MTAP: variants seen among roughly 807,000 people sequenced by gnomAD.
MTAP encodes the protein S-methyl-5'-thioadenosine phosphorylase.
MTAP carries 33 observed loss-of-function variants against 33.6 expected under a neutral mutation model. The observed-to-expected ratio is 0.98, with a 90% CI of 0.74 to 1.31. The LOEUF is 1.31. Among genes scored for constraint, MTAP ranks in the 40% most tolerant of loss-of-function variants. The probability of loss-of-function intolerance (pLI) is 0.00; values close to 1 mark genes in which losing one functional copy is unlikely to be tolerated. For missense variants in MTAP, 367 were observed against 360.0 expected (o/e 1.02, Z -0.16); for synonymous variants, 148 against 125.7 (o/e 1.18, Z -1.19).
intron 1 of MTAP, among the ~76,000 whole-genome samples, chr9:21,913,501 C>G (rs1818621467): frequency 7.0e-6 from 1 of 143,836 alleles, no homozygotes; most frequent in African/African-American, 2.8e-5. Context: ...TGATCTTTGA[C>G]AAACCTGACA....
chr9:21,926,592 G>T (rs7042832), intron 1 of MTAP, among the ~76,000 whole-genome samples: 20,721 of 152,160 alleles, frequency 0.14, 4,607 homozygotes, highest in African/African-American at 0.47. Flanking sequence ...CAGCTAATCT[G>T]GATAGTACTT....
intron 1 of MTAP, among the ~76,000 whole-genome samples, chr9:21,904,519 C>G (rs1471784139): frequency 6.6e-6 from 1 of 152,168 alleles, no homozygotes; most frequent in Non-Finnish European, 1.5e-5. Context: ...TGGTCGTACT[C>G]TGTTGAACAC....
chr9:21,927,602 A>G (rs574855962), intron 1 of MTAP, among the ~76,000 whole-genome samples: 1 of 152,332 alleles, frequency 6.6e-6, no homozygotes, highest in East Asian at 1.9e-4. Flanking sequence ...GGTTATCTAG[A>G]TGAAATATGG....
intron 4 of MTAP, among the ~76,000 whole-genome samples, chr9:21,821,231 TG>T (rs1255628675): frequency 6.6e-6 from 1 of 152,226 alleles, no homozygotes; most frequent in African/African-American, 2.4e-5. Flanking sequence ...TTCCAGTTTT[TG>T]CCCATTCAGT....
At chr9:21,896,794 A>T (rs1211298014) in intron 1 of MTAP, among the ~76,000 whole-genome samples, 1 of 152,242 alleles carries the variant, frequency 6.6e-6, no homozygotes, top group African/African-American at 2.4e-5. Flanking sequence ...GCCGAATTCT[A>T]CCAGAAGTAC....
chr9:21,841,639 C>G (rs1397745597), intron 5 of MTAP, among the ~76,000 whole-genome samples: 4 of 152,230 alleles, frequency 2.6e-5, no homozygotes, highest in Non-Finnish European at 4.4e-5. Context: ...AGCCCAGAGC[C>G]TGGTGGCCTC....
chr9:21,904,262 C>T (rs910167494), intron 1 of MTAP, among the ~76,000 whole-genome samples: 1 of 152,136 alleles, frequency 6.6e-6, no homozygotes, highest in African/African-American at 2.4e-5. Flanking sequence ...TATCTGCCTG[C>T]GAGGGTGTCA....
intron 6 of MTAP, among the ~76,000 whole-genome samples, chr9:21,855,429 A>T (rs1201465041): frequency 6.6e-6 from 1 of 152,236 alleles, no homozygotes; most frequent in Non-Finnish European, 1.5e-5. Flanking sequence ...AGGGTACACT[A>T]GGTCAACTGA....
chr9:21,899,354 C>T (rs1170778628), intron 1 of MTAP, among the ~76,000 whole-genome samples: 1 of 141,050 alleles, frequency 7.1e-6, no homozygotes, highest in East Asian at 2.3e-4. Context: ...GCACGTTGTG[C>T]ATATGTACCG....
At chr9:21,832,589 G>A (rs974394777) in intron 4 of MTAP, among the ~76,000 whole-genome samples, 5 of 151,990 alleles carry the variant, frequency 3.3e-5, no homozygotes, top group African/African-American at 9.7e-5. Flanking sequence ...AGTTACTTGC[G>A]TCCCTGTTCT....
intron 1 of MTAP, among the ~76,000 whole-genome samples, chr9:21,812,924 C>T (rs541881899): frequency 6.6e-6 from 1 of 152,260 alleles, no homozygotes; most frequent in African/African-American, 2.4e-5. Context: ...TCTCTTTCTT[C>T]GTTTGTAAAA....
chr9:21,862,132 A>G lies in MTAP; in HGVS notation c.*118A>G. ...GCAGCTTTCATGCCCTTGCCTATCA[A>G]AGAGTATGTTGTAAGAAAGACAAGA... On this transcript the variant is annotated 3_prime_UTR_variant, in exon 8 of 8. Coordinates refer to ENST00000644715, the MANE Select transcript of MTAP (RefSeq NM_002451.4). 6.4e-7 allele frequency: 1 copy of G among 1,572,786 alleles called. No homozygotes were observed. Among genetic ancestry groups the G allele is most frequent in the Non-Finnish European group, 8.6e-7 (1 of 1,161,746 alleles).
At chr9:21,886,050 A>C (rs1234588737) in intron 1 of MTAP, among the ~76,000 whole-genome samples, 1 of 151,846 alleles carries the variant, frequency 6.6e-6, no homozygotes, top group Admixed American at 6.6e-5. Context: ...TGTTTTCCAC[A>C]GTGGTTGTAC....
At position 21,802,680 on chromosome 9, in the gene MTAP, G is replaced by C. The variant is rs1008611847; in HGVS notation, c.-69G>C. 62 of 1,563,850 alleles carry C rather than the reference G, an allele frequency of 4.0e-5. No individual in the cohort carries two copies. Among genetic ancestry groups the C allele is most frequent in the Non-Finnish European group, 1.2e-5 (14 of 1,152,106 alleles). On this transcript the variant is annotated 5_prime_UTR_variant, in exon 1 of 8. Coordinates refer to ENST00000644715, the MANE Select transcript of MTAP (RefSeq NM_002451.4). ...GCGCAGTGAGGTTGGCACAGCCACC[G>C]CTCTGTGGCTCGCTTGGTTCCCTTA...
At chr9:21,807,475 T>C (rs1190258674) in intron 1 of MTAP, among the ~76,000 whole-genome samples, 1 of 152,112 alleles carries the variant, frequency 6.6e-6, no homozygotes, top group Non-Finnish European at 1.5e-5. Context: ...CACAAGGGCA[T>C]TTTGGGCAGG....
intron 1 of MTAP, among the ~76,000 whole-genome samples, chr9:21,918,799 C>T (rs1425631990): frequency 6.6e-6 from 1 of 152,084 alleles, no homozygotes; most frequent in Non-Finnish European, 1.5e-5. Flanking sequence ...TGTGTCTTTG[C>T]TCCTCTTTGC....
chr9:21,830,280 C>T (rs1423089029), intron 4 of MTAP, among the ~76,000 whole-genome samples: 1 of 152,180 alleles, frequency 6.6e-6, no homozygotes, highest in Admixed American at 6.5e-5. Context: ...AGGCCCTGGG[C>T]TCTGTGTGTA....
At chr9:21,877,482 T>C (rs769068300) in intron 1 of MTAP, among the ~76,000 whole-genome samples, 2 of 152,156 alleles carry the variant, frequency 1.3e-5, no homozygotes, top group Non-Finnish European at 2.9e-5. Flanking sequence ...CGGTATGATA[T>C]TGGCTTTGGA....
downstream of MTAP, chr9:21,931,366 C>A (rs1339755873): frequency 2.0e-6 from 1 of 509,366 alleles, no homozygotes; most frequent in Non-Finnish European, 3.5e-6. Flanking sequence ...GAGGAGAGAC[C>A]CCCTCCAACT....
Sources: allele counts gnomAD v4.1 joint callset (sites outside exome capture counted in the v4.1 genomes callset), GRCh38; gene constraint gnomAD v4.1.1; transcripts MANE v1.5; gene names NCBI Gene and HGNC (gene_info 2026-07-23, HGNC 2026-07-21).